The following TAFA1 variants were observed in gnomAD, a reference collection of about 807,000 sequenced individuals.
The protein encoded by TAFA1 is chemokine-like protein TAFA-1.
A neutral mutation model predicts 18.5 loss-of-function variants in TAFA1; 4 were observed. The observed-to-expected ratio is 0.22, with a 90% CI of 0.11 to 0.49. TAFA1 has a LOEUF of 0.49. TAFA1 is among the 20% of genes least tolerant of loss of function. The probability of loss-of-function intolerance (pLI) is 0.98; values close to 1 mark genes in which losing one functional copy is unlikely to be tolerated. For missense variants in TAFA1, 147 were observed against 169.0 expected (o/e 0.87, Z 0.72); for synonymous variants, 56 against 55.2 (o/e 1.01, Z -0.06).
At chr3:68,197,522 T>C (rs2066425721) in intron 2 of TAFA1, among the ~76,000 whole-genome samples, 1 of 151,630 alleles carries the variant, frequency 6.6e-6, no homozygotes, top group Non-Finnish European at 1.5e-5. Flanking sequence ...GGTGGCTTTA[T>C]TCTCCATATC....
intron 2 of TAFA1, among the ~76,000 whole-genome samples, chr3:68,403,272 T>C (rs531977341): frequency 4.9e-4 from 74 of 152,336 alleles, no homozygotes; most frequent in Non-Finnish European, 8.1e-4. Flanking sequence ...TGTCATTAAG[T>C]GAGGCATGAC....
chr3:68,532,362 T>C (rs781425237), intron 3 of TAFA1, among the ~76,000 whole-genome samples: 6 of 152,098 alleles, frequency 3.9e-5, no homozygotes, highest in Non-Finnish European at 7.4e-5. Context: ...TCAGAAAGAA[T>C]AAATGGTAGC....
chr3:68,253,223 G>A (rs990696674), intron 2 of TAFA1, among the ~76,000 whole-genome samples: 4 of 152,142 alleles, frequency 2.6e-5, no homozygotes, highest in Admixed American at 6.5e-5. Context: ...CATAGCACTC[G>A]ATAAAGGTTA....
chr3:68,014,994 T>C (rs1470201352), intron 2 of TAFA1, among the ~76,000 whole-genome samples: 1 of 152,104 alleles, frequency 6.6e-6, no homozygotes, highest in African/African-American at 2.4e-5. Context: ...CATTTTATGA[T>C]TTCTAATGAT....
At chr3:68,537,821 G>A (rs2073299915) in intron 3 of TAFA1, among the ~76,000 whole-genome samples, 2 of 152,216 alleles carry the variant, frequency 1.3e-5, no homozygotes, top group South Asian at 4.2e-4. Flanking sequence ...TGTTTTAATT[G>A]CCTGTGGGTT....
intron 3 of TAFA1, among the ~76,000 whole-genome samples, chr3:68,485,928 A>G (rs1007377303): frequency 6.6e-6 from 1 of 152,008 alleles, no homozygotes; most frequent in Non-Finnish European, 1.5e-5. Flanking sequence ...ACTTTCCTTC[A>G]CTGATAATTT....
At chr3:68,301,475 T>C (rs554954781) in intron 2 of TAFA1, among the ~76,000 whole-genome samples, 1 of 152,238 alleles carries the variant, frequency 6.6e-6, no homozygotes, top group East Asian at 1.9e-4. Context: ...ACAATATGTC[T>C]CACAAAACAA....
chr3:68,042,526 G>A (rs1705186936), intron 2 of TAFA1, among the ~76,000 whole-genome samples: 2 of 152,120 alleles, frequency 1.3e-5, no homozygotes, highest in South Asian at 4.1e-4. Flanking sequence ...GCACATGCCT[G>A]TAATCCCAGC....
rs557247611 is a variant in TAFA1, at chr3:68,372,157, C to T, written c.119-45123C>T. 3.9e-5 allele frequency among the ~76,000 whole-genome samples: 6 copies of T among 152,094 alleles called. No individual in the cohort carries two copies. The East Asian group carries it at 5.8e-4, about 15-fold the overall frequency. ...AATATTTAAGTTATTTAAGATGCCC[C>T]GCAGGTTGAAAATAAGTGAACAAAG... On this transcript the variant is annotated intron_variant, in intron 2 of 4. Coordinates refer to ENST00000478136, the MANE Select transcript of TAFA1 (RefSeq NM_213609.4).
chr3:68,459,495 G>A (rs1435468360), intron 3 of TAFA1, among the ~76,000 whole-genome samples: 1 of 56,920 alleles, frequency 1.8e-5, no homozygotes, highest in Non-Finnish European at 3.2e-5. Context: ...TAACGCACTA[G>A]AAGAATAAGT....
At chr3:68,420,355 G>A (rs1259292273) in intron 3 of TAFA1, among the ~76,000 whole-genome samples, 1 of 152,130 alleles carries the variant, frequency 6.6e-6, no homozygotes, top group Non-Finnish European at 1.5e-5. Flanking sequence ...AAACTGCCAG[G>A]TTCAAGCAAC....
intron 3 of TAFA1, among the ~76,000 whole-genome samples, chr3:68,470,446 C>T (rs775884101): frequency 9.2e-5 from 14 of 152,088 alleles, no homozygotes; most frequent in Admixed American, 2.6e-4. Flanking sequence ...CAGAAGAAGA[C>T]AGAAAAATGT....
At chr3:68,365,412 A>T (rs1180712891) in intron 2 of TAFA1, among the ~76,000 whole-genome samples, 1 of 152,202 alleles carries the variant, frequency 6.6e-6, no homozygotes, top group East Asian at 1.9e-4. Context: ...GACCACAGCT[A>T]AAGATATTTA....
chr3:68,197,551 T>A (rs761674036), intron 2 of TAFA1, among the ~76,000 whole-genome samples: 3 of 150,834 alleles, frequency 2.0e-5, no homozygotes, highest in African/African-American at 7.3e-5. Flanking sequence ...CATCTAATTA[T>A]AAAGAAAGAA....
At chr3:68,450,953 G>A (rs1389383634) in intron 3 of TAFA1, among the ~76,000 whole-genome samples, 3 of 152,156 alleles carry the variant, frequency 2.0e-5, no homozygotes, top group Admixed American at 6.5e-5. Flanking sequence ...ATTTTACAAT[G>A]AGGAAACTGA....
At chr3:68,237,092 A>G (rs1247112245) in intron 2 of TAFA1, among the ~76,000 whole-genome samples, 1 of 152,238 alleles carries the variant, frequency 6.6e-6, no homozygotes, top group African/African-American at 2.4e-5. Flanking sequence ...CTATAACCAA[A>G]TACCATAAAC....
Position 68,417,297 on chromosome 3 carries a change from G to C in TAFA1, c.136G>C (p.Val46Leu). 1 of 1,613,204 alleles carries C rather than the reference G, an allele frequency of 6.2e-7. No individual in the cohort carries two copies. The highest frequency in any genetic ancestry group is 8.5e-7 in the Non-Finnish European group (1 of 1,179,490). ...CTTGCCAGAAGGAGGGACGTGTGAA[G>C]TGATAGCAGCACACCGATGTTGTAA... Reference protein sequence around the residue: ...LHRPEGGTCEVIAAHRCCNKN... With the variant: ...LHRPEGGTCELIAAHRCCNKN... Residue 46 changes from valine (V) to leucine (L), a missense_variant, in exon 3 of 5, where the codon GTG becomes CTG. Transcript: ENST00000478136.
intron 2 of TAFA1, among the ~76,000 whole-genome samples, chr3:68,325,507 T>A (rs1235410970): frequency 6.6e-6 from 1 of 152,236 alleles, no homozygotes; most frequent in Non-Finnish European, 1.5e-5. Context: ...TGCATGTTTG[T>A]ATCTACTATC....
rs552117154 is a variant in TAFA1, at chr3:68,534,427, G to A, written c.260-4329G>A. Among the ~76,000 whole-genome samples the A allele has an allele frequency of 2.0e-5, 3 of 152,244 alleles. No individual in the cohort carries two copies. In the South Asian group the frequency reaches 6.2e-4, roughly 32 times the overall value. On this transcript the variant is annotated intron_variant, in intron 3 of 4. Coordinates refer to ENST00000478136, the MANE Select transcript of TAFA1 (RefSeq NM_213609.4). ...TTGAATGATTCTTTTGCACATGTGT[G>A]CACATAATTTGTATGCCTTTTTTTC...
Sources: gnomAD v4.1 joint callset for allele counts (sites outside exome capture counted in the v4.1 genomes callset) on GRCh38, gnomAD v4.1.1 for gene constraint, MANE v1.5 for transcripts, NCBI Gene and HGNC (gene_info 2026-07-23, HGNC 2026-07-21) for gene names.